The following TAFA1 variants were observed in gnomAD, a reference collection of about 807,000 sequenced individuals.
TAFA1 encodes chemokine-like protein TAFA-1.
In TAFA1, 4 loss-of-function variants were observed where a neutral mutation model predicts 18.5. The ratio of observed to expected loss-of-function variants is 0.22; its 90% CI spans 0.11 to 0.49. The LOEUF (loss-of-function observed/expected upper bound fraction) is 0.49. Among genes scored for constraint, TAFA1 ranks in the 20% least tolerant of loss-of-function variants. The pLI is 0.98. For synonymous variants in TAFA1, 56 were observed against 55.2 expected, an observed-to-expected ratio of 1.01 and a Z score of -0.06; for missense variants, 147 against 169.0, an observed-to-expected ratio of 0.87 and a Z score of 0.72.
intron 2 of TAFA1, among the ~76,000 whole-genome samples, chr3:68,135,666 A>T (rs911644395): frequency 6.6e-6 from 1 of 152,200 alleles, no homozygotes; most frequent in African/African-American, 2.4e-5. Context: ...TATCAGCGGT[A>T]TTTTTTGTAT....
At chr3:68,027,014 GA>G (rs1182967449) in intron 2 of TAFA1, among the ~76,000 whole-genome samples, 4 of 152,162 alleles carry the variant, frequency 2.6e-5, no homozygotes, top group African/African-American at 4.8e-5. Context: ...GGAAGAGAGA[GA>G]GGGGGGAGGT....
chr3:68,226,554 C>T (rs1195634572), intron 2 of TAFA1, among the ~76,000 whole-genome samples: 1 of 152,056 alleles, frequency 6.6e-6, no homozygotes, highest in Non-Finnish European at 1.5e-5. Flanking sequence ...GATAAATTCT[C>T]CTTGGCCTCA....
chr3:68,331,274 G>T (rs1304982699), intron 2 of TAFA1, among the ~76,000 whole-genome samples: 1 of 152,110 alleles, frequency 6.6e-6, no homozygotes, highest in African/African-American at 2.4e-5. Flanking sequence ...ATGGTTGCTA[G>T]GGTTATGGGG....
rs552401376 is a variant in TAFA1 at position 68,055,331 on chromosome 3, A to T, written c.118+48587A>T. ...GGGGGGCAAGAGGTGGGATGGTTTG[A>T]TTCTTTGTTTGCCTTGTATGGTGAA... is the stretch of plus-strand genomic sequence containing the variant. On this transcript the variant is annotated intron_variant, in intron 2 of 4. Transcript: ENST00000478136. Among the ~76,000 whole-genome samples the T allele has an allele frequency of 2.0e-5, 3 of 152,104 alleles. No individual in the cohort carries two copies. In the East Asian group the frequency reaches 5.8e-4, roughly 29 times the overall value.
chr3:68,336,605 G>A (rs1170612088), intron 2 of TAFA1, among the ~76,000 whole-genome samples: 2 of 152,228 alleles, frequency 1.3e-5, no homozygotes, highest in Non-Finnish European at 2.9e-5. Context: ...TGAAAGGTAT[G>A]AGGATGAAAA....
intron 2 of TAFA1, among the ~76,000 whole-genome samples, chr3:68,115,769 A>AT (rs941492110): frequency 3.9e-5 from 6 of 152,102 alleles, no homozygotes; most frequent in East Asian, 1.9e-4. Flanking sequence ...TCCCCATCCT[A>AT]TTTTTTTGTG....
rs557283363 is a variant in TAFA1 at position 68,267,065 on chromosome 3, A to G, written c.119-150215A>G. On this transcript the variant is annotated intron_variant, in intron 2 of 4. Coordinates refer to ENST00000478136, the MANE Select transcript of TAFA1 (RefSeq NM_213609.4). ...TGCAAATAATCCTCCTCCCTAGGGAACGCATTAACAAGAGAAAGCTGAGTT... is the reference window on the plus strand; with the variant it reads ...TGCAAATAATCCTCCTCCCTAGGGAGCGCATTAACAAGAGAAAGCTGAGTT... Among the ~76,000 whole-genome samples, 4 of 152,292 alleles carry G rather than the reference A, an allele frequency of 2.6e-5. No individual in the cohort carries two copies. The South Asian group carries it at 8.3e-4, about 32-fold the overall frequency.
intron 2 of TAFA1, among the ~76,000 whole-genome samples, chr3:68,051,879 T>A (rs1386643752): frequency 2.0e-5 from 3 of 152,158 alleles, no homozygotes; most frequent in Non-Finnish European, 4.4e-5. Flanking sequence ...CTAAAATAAT[T>A]TTAAATGTTG....
intron 2 of TAFA1, among the ~76,000 whole-genome samples, chr3:68,013,753 G>A (rs1704517759): frequency 6.6e-6 from 1 of 151,996 alleles, no homozygotes; most frequent in Non-Finnish European, 1.5e-5. Flanking sequence ...TACCCTCAAA[G>A]CACTTAGGGA....
intron 2 of TAFA1, among the ~76,000 whole-genome samples, chr3:68,269,537 G>A (rs1246522399): frequency 2.0e-5 from 3 of 152,164 alleles, no homozygotes; most frequent in African/African-American, 7.2e-5. Context: ...CTTTCTATGA[G>A]TGTTCCAGGT....
chr3:68,210,632 G>A (rs540177595), intron 2 of TAFA1, among the ~76,000 whole-genome samples: 7 of 152,072 alleles, frequency 4.6e-5, no homozygotes, highest in East Asian at 1.9e-4. Context: ...TGCCTAACAC[G>A]TGTACCCATT....
chr3:67,995,377 G>A, the TAFA1 span, among the ~76,000 whole-genome samples: 1 of 151,964 alleles, frequency 6.6e-6, no homozygotes, highest in Admixed American at 6.6e-5. Flanking sequence ...TCTGGGTGGG[G>A]GCCAGGGCAT....
intron 2 of TAFA1, among the ~76,000 whole-genome samples, chr3:68,109,003 A>ATT (rs2065235124): frequency 6.6e-6 from 1 of 152,098 alleles, no homozygotes; most frequent in Non-Finnish European, 1.5e-5. Context: ...CTTCCATGAA[A>ATT]ATACCTACAG....
chr3:68,343,365 A>G (rs1409631969), intron 2 of TAFA1, among the ~76,000 whole-genome samples: 1 of 152,162 alleles, frequency 6.6e-6, no homozygotes, highest in Non-Finnish European at 1.5e-5. Flanking sequence ...TTAAAAAGAG[A>G]ATAATATGTG....
In TAFA1 at chr3:68,475,621, C is replaced by T. The variant is rs570186609; in HGVS notation, c.259+58201C>T. Among the ~76,000 whole-genome samples, 75 of 152,246 alleles carry T rather than the reference C, an allele frequency of 4.9e-4. 3 individuals carry two copies. In the South Asian group the frequency reaches 0.013, roughly 27 times the overall value. On this transcript the variant is annotated intron_variant, in intron 3 of 4. Transcript: ENST00000478136. ...TGTGAATAGTGCCACAGTAAATATA[C>T]GTGTGCATGTGTCTTTATAGCAGCA...
At chr3:68,264,438 G>A (rs1470943672) in intron 2 of TAFA1, among the ~76,000 whole-genome samples, 2 of 152,062 alleles carry the variant, frequency 1.3e-5, no homozygotes, top group African/African-American at 4.8e-5. Flanking sequence ...AACTTACCTG[G>A]CTGTGGTTCT....
intron 2 of TAFA1, among the ~76,000 whole-genome samples, chr3:68,167,434 G>T (rs753280450): frequency 2.0e-5 from 3 of 152,032 alleles, no homozygotes; most frequent in Non-Finnish European, 4.4e-5. Flanking sequence ...AAAAATTGCC[G>T]GGCGTGGCGG....
intron 2 of TAFA1, among the ~76,000 whole-genome samples, chr3:68,092,867 C>G (rs758622613): frequency 3.9e-5 from 6 of 152,046 alleles, no homozygotes; most frequent in African/African-American, 4.8e-5. Context: ...AACCCAGAGA[C>G]CAAGATTTAC....
rs537474369 is a variant in TAFA1, at chr3:68,234,798, C to G, written c.119-182482C>G. 1.5e-4 allele frequency among the ~76,000 whole-genome samples: 23 copies of G among 152,304 alleles called. No individual in the cohort carries two copies. In the South Asian group the frequency reaches 4.8e-3, roughly 32 times the overall value. ...TTTGCTGTAAATATACATAGATTTC[C>G]TCTGATTACAAAGTCACTGAAAATC... On this transcript the variant is annotated intron_variant, in intron 2 of 4. Coordinates refer to ENST00000478136, the MANE Select transcript of TAFA1 (RefSeq NM_213609.4).
Sources: gnomAD v4.1 joint callset for allele counts (sites outside exome capture counted in the v4.1 genomes callset) on GRCh38, gnomAD v4.1.1 for gene constraint, MANE v1.5 for transcripts, NCBI Gene and HGNC (gene_info 2026-07-23, HGNC 2026-07-21) for gene names.